Variants in MAST4 observed in about 807,000 individuals in gnomAD.
MAST4 encodes the protein microtubule-associated serine/threonine-protein kinase 4.
Under a neutral mutation model 162.7 loss-of-function variants are expected in MAST4, and 89 were observed. The ratio of observed to expected loss-of-function variants is 0.55; its 90% confidence interval spans 0.46 to 0.65. MAST4 has a LOEUF of 0.65. Ranked by LOEUF, MAST4 falls within the 30% of genes least tolerant of loss-of-function variation. The probability of loss-of-function intolerance (pLI) is 0.00; values close to 1 mark genes in which losing one functional copy is unlikely to be tolerated. For missense variants in MAST4, 3,153 were observed against 3,374.0 expected, an observed-to-expected ratio of 0.93 and a Z score of 1.62; for synonymous variants, 1,479 against 1,361.1, an observed-to-expected ratio of 1.09 and a Z score of -1.91.
intron 4 of MAST4, among the ~76,000 whole-genome samples, chr5:66,990,385 T>C (rs1703251): frequency 0.58 from 88,524 of 151,894 alleles, 25,959 homozygotes; most frequent in East Asian, 0.68. Flanking sequence ...CCCATAATCC[T>C]AACACTTTGG....
intron 11 of MAST4, 66 bp downstream of exon 11, chr5:67,110,265 G>T: frequency 8.4e-7 from 1 of 1,192,568 alleles, no homozygotes; most frequent in South Asian, 1.2e-5. Flanking sequence ...CCATCAGAAA[G>T]CTCCTTCATT....
chr5:66,835,644 A>G (rs1388767727), intron 3 of MAST4, among the ~76,000 whole-genome samples: 2 of 152,234 alleles, frequency 1.3e-5, no homozygotes, highest in Non-Finnish European at 2.9e-5. Flanking sequence ...ATCAATATGC[A>G]TGCAACCACC....
intron 1 of MAST4, among the ~76,000 whole-genome samples, chr5:66,742,584 G>A (rs1752534350): frequency 6.6e-6 from 1 of 152,118 alleles, no homozygotes; most frequent in Non-Finnish European, 1.5e-5. Context: ...AAGACTCAAG[G>A]GACTCTTGAC....
At chr5:66,658,954 C>T (rs1746725197) in intron 1 of MAST4, among the ~76,000 whole-genome samples, 1 of 152,112 alleles carries the variant, frequency 6.6e-6, no homozygotes, top group South Asian at 2.1e-4. Flanking sequence ...TCCAGGAGTT[C>T]AAGGCTGCAG....
intron 4 of MAST4, among the ~76,000 whole-genome samples, chr5:67,028,956 C>G (rs1754989002): frequency 6.6e-6 from 1 of 151,942 alleles, no homozygotes. Flanking sequence ...TGGCAAAACC[C>G]CATCTCTACA....
intron 3 of MAST4, among the ~76,000 whole-genome samples, chr5:66,839,452 T>C (rs1160947006): frequency 6.6e-6 from 1 of 152,172 alleles, no homozygotes; most frequent in Non-Finnish European, 1.5e-5. Context: ...GTTAGAATGG[T>C]TTTCCAGAAT....
chr5:66,631,982 G>T (rs1398810896), intron 1 of MAST4, among the ~76,000 whole-genome samples: 1 of 152,182 alleles, frequency 6.6e-6, no homozygotes, highest in Non-Finnish European at 1.5e-5. Context: ...GCTCTGTTGT[G>T]TTGGGAGATG....
At chr5:67,094,114 T>G (rs1374889380) in intron 6 of MAST4, 1 of 1,373,156 alleles carries the variant, frequency 7.3e-7, no homozygotes, top group Admixed American at 2.0e-5. Flanking sequence ...TTGCTTCTTT[T>G]TTTTAACATA....
chr5:66,868,826 G>A (rs1318395743), intron 3 of MAST4, among the ~76,000 whole-genome samples: 1 of 152,126 alleles, frequency 6.6e-6, no homozygotes, highest in African/African-American at 2.4e-5. Context: ...CTTAAAGGAT[G>A]TGCTTGCCCT....
At chr5:66,870,406 T>C (rs1283004234) in intron 3 of MAST4, among the ~76,000 whole-genome samples, 6 of 152,200 alleles carry the variant, frequency 3.9e-5, no homozygotes, top group Non-Finnish European at 7.3e-5. Flanking sequence ...CTTTCTGTTA[T>C]TTCAGGAAGA....
chr5:67,124,636 A>C (rs1767993011), intron 14 of MAST4, among the ~76,000 whole-genome samples: 1 of 152,220 alleles, frequency 6.6e-6, no homozygotes, highest in Admixed American at 6.5e-5. Flanking sequence ...AGCCTGTTTG[A>C]CCTTTGTGAC....
At chr5:66,673,183 A>C (rs1360189046) in intron 1 of MAST4, among the ~76,000 whole-genome samples, 2 of 151,968 alleles carry the variant, frequency 1.3e-5, no homozygotes, top group Non-Finnish European at 2.9e-5. Context: ...GGTATTGTAA[A>C]ATTTAATCTT....
In MAST4 at chr5:67,153,523, C is replaced by T. The variant is rs1772101970; in HGVS notation, c.3591C>T (p.Ile1197=). Residue 1197 remains isoleucine (I), a synonymous_variant, in exon 26 of 29, where the codon ATC becomes ATT. Transcript: ENST00000403625. ...AGGCTGGAGATCTTATCACTCACATCAATGGAGAACCAGTGCATGGACTTG... is the reference window on the plus strand; with the variant it reads ...AGGCTGGAGATCTTATCACTCACATTAATGGAGAACCAGTGCATGGACTTG... The part of the protein sequence containing the change: ...GLKAGDLITH[I]NGEPVHGLVH... 2 of 1,600,972 alleles carry T rather than the reference C, an allele frequency of 1.2e-6. No individual in the cohort carries two copies.
intron 4 of MAST4, among the ~76,000 whole-genome samples, chr5:67,021,582 A>AT (rs1430694809): frequency 1.3e-5 from 2 of 152,250 alleles, no homozygotes; most frequent in Admixed American, 6.5e-5. Context: ...GAGCAATAAG[A>AT]TTTTTTTGGT....
chr5:66,686,715 T>TA (rs1748683568), intron 1 of MAST4, among the ~76,000 whole-genome samples: 1 of 152,152 alleles, frequency 6.6e-6, no homozygotes, highest in Non-Finnish European at 1.5e-5. Flanking sequence ...TATGCTCTTT[T>TA]AAAAAATTAC....
Position 66,670,871 on chromosome 5 carries a change from A to G in MAST4, c.363+73853A>G, listed in dbSNP as rs548269290. The stretch of plus-strand genomic sequence containing the variant: ...TTATAGCTTGCCTGGGACAATCTCT[A>G]TTTACACTTAACATAATTATTAATC... On this transcript the variant is annotated intron_variant, in intron 1 of 28. Transcript: ENST00000403625. 8.5e-5 allele frequency among the ~76,000 whole-genome samples: 13 copies of G among 152,122 alleles called. No homozygotes were observed. In the East Asian group the frequency reaches 9.7e-4, roughly 11 times the overall value.
chr5:67,110,085 T>C lies in MAST4; in HGVS notation c.1357-13T>C, dbSNP rs1766053281. On this transcript the variant is annotated splice_polypyrimidine_tract_variant and intron_variant, in intron 10 of 28. Transcript: ENST00000403625. Reference sequence around the variant, plus strand: ...AACTCTGCATCATCACTCTCTTTATTGCTTTTTCATAGGCTCATGATCGTT... The same window carrying C: ...AACTCTGCATCATCACTCTCTTTATCGCTTTTTCATAGGCTCATGATCGTT... 1 of 1,595,934 alleles carries C rather than the reference T, an allele frequency of 6.3e-7. No homozygotes were observed. The highest frequency in any genetic ancestry group is 2.2e-5 in the East Asian group (1 of 44,794).
At chr5:66,659,271 G>T (rs533706991) in intron 1 of MAST4, among the ~76,000 whole-genome samples, 1 of 152,254 alleles carries the variant, frequency 6.6e-6, no homozygotes, top group South Asian at 2.1e-4. Context: ...TGACTATTCG[G>T]CCAATCAGAC....
intron 5 of MAST4, among the ~76,000 whole-genome samples, chr5:67,083,309 C>T (rs1398860152): frequency 6.6e-6 from 1 of 152,164 alleles, no homozygotes; most frequent in Non-Finnish European, 1.5e-5. Context: ...AGATGGAATT[C>T]ATGTCTACCA....
Sources: allele counts gnomAD v4.1 joint callset (sites outside exome capture counted in the v4.1 genomes callset), GRCh38; gene constraint gnomAD v4.1.1; transcripts MANE v1.5; gene names NCBI Gene and HGNC (gene_info 2026-07-23, HGNC 2026-07-21).